QKI: variants seen among roughly 807,000 people sequenced by gnomAD.
QKI encodes QKI, KH domain containing RNA binding, also known as KH domain-containing RNA-binding protein QKI.
A neutral mutation model predicts 39.0 loss-of-function variants in QKI; 10 were observed. The ratio of observed to expected loss-of-function variants is 0.26; its 90% confidence interval spans 0.16 to 0.43. The LOEUF (loss-of-function observed/expected upper bound fraction) is 0.43, where lower values mean the gene tolerates loss of function less well. QKI is among the 20% of genes least tolerant of loss of function. The probability of loss-of-function intolerance (pLI) is 1.00; values close to 1 mark genes in which losing one functional copy is unlikely to be tolerated. For synonymous variants in QKI, 204 were observed against 155.4 expected (o/e 1.31, Z -2.33); for missense variants, 218 against 428.0 (o/e 0.51, Z 4.33).
intron 3 of QKI, among the ~76,000 whole-genome samples, chr6:163,525,657 G>A (rs959652768): frequency 2.0e-5 from 3 of 152,062 alleles, no homozygotes; most frequent in Admixed American, 6.6e-5. Flanking sequence ...GAGCCACCAC[G>A]CCCGGCCATC....
At chr6:163,489,863 T>C (rs1777942945) in intron 3 of QKI, among the ~76,000 whole-genome samples, 1 of 152,154 alleles carries the variant, frequency 6.6e-6, no homozygotes. Flanking sequence ...AATTTGATTC[T>C]CATGTGGAAT....
chr6:163,491,097 G>A (rs907082542), intron 3 of QKI, among the ~76,000 whole-genome samples: 2 of 152,058 alleles, frequency 1.3e-5, no homozygotes, highest in Non-Finnish European at 2.9e-5. Flanking sequence ...AGATTGGTTT[G>A]TTTTTAAAGA....
At chr6:163,564,855 A>G in intron 6 of QKI, 4 of 1,447,014 alleles carry the variant, frequency 2.8e-6, no homozygotes, top group Non-Finnish European at 3.6e-6. Context: ...TTGGTGCTGC[A>G]TGCATGCTGT....
At chr6:163,457,063 C>G (rs923379256) in intron 2 of QKI, among the ~76,000 whole-genome samples, 1 of 152,020 alleles carries the variant, frequency 6.6e-6, no homozygotes, top group Non-Finnish European at 1.5e-5. Context: ...GTGATTTGGG[C>G]AGCTGTTCCA....
chr6:163,563,325 C>T, intron 5 of QKI, 95 bp from the exon 6 acceptor site: 1 of 1,189,086 alleles, frequency 8.4e-7, no homozygotes, highest in Non-Finnish European at 1.2e-6. Context: ...TTCTTCTTTC[C>T]TGCTTTTCCT....
intron 1 of QKI, among the ~76,000 whole-genome samples, chr6:163,430,366 T>C (rs1788728369): frequency 6.6e-6 from 1 of 152,218 alleles, no homozygotes; most frequent in Non-Finnish European, 1.5e-5. Flanking sequence ...CTTTAGGTTT[T>C]TGGAGAAGAG....
intron 5 of QKI, 96 bp from the exon 6 acceptor site, chr6:163,563,324 C>A (rs1472283875): frequency 1.4e-5 from 17 of 1,177,100 alleles, no homozygotes; most frequent in Non-Finnish European, 1.8e-5. Flanking sequence ...TTTCTTCTTT[C>A]CTGCTTTTCC....
At chr6:163,457,043 A>G (rs1483286474) in intron 2 of QKI, among the ~76,000 whole-genome samples, 1 of 152,092 alleles carries the variant, frequency 6.6e-6, no homozygotes, top group African/African-American at 2.4e-5. Flanking sequence ...ATTCCTAGAG[A>G]TGGGAAATTG....
At chr6:163,544,572 G>A (rs1781751936) in intron 4 of QKI, among the ~76,000 whole-genome samples, 1 of 152,040 alleles carries the variant, frequency 6.6e-6, no homozygotes. Flanking sequence ...ATCAGTAATA[G>A]TAGTTCTTAC....
intron 1 of QKI, among the ~76,000 whole-genome samples, chr6:163,451,361 G>T (rs2757586): frequency 0.18 from 27,342 of 152,108 alleles, 2,777 homozygotes; most frequent in Middle Eastern, 0.25. Context: ...ACAGTATAGG[G>T]TTTTGCATAT....
At chr6:163,495,757 T>G (rs758001402) in intron 3 of QKI, among the ~76,000 whole-genome samples, 73 of 152,182 alleles carry the variant, frequency 4.8e-4, no homozygotes, top group Non-Finnish European at 6.8e-4. Flanking sequence ...GTGTGTGTCT[T>G]TCTTCATGAC....
At chr6:163,495,904 G>C (rs971540425) in intron 3 of QKI, among the ~76,000 whole-genome samples, 1 of 152,194 alleles carries the variant, frequency 6.6e-6, no homozygotes, top group African/African-American at 2.4e-5. Flanking sequence ...GGTTAAAGTA[G>C]TGTGAGTTAT....
chr6:163,466,950 G>A (rs1470168840), intron 2 of QKI, among the ~76,000 whole-genome samples: 1 of 151,428 alleles, frequency 6.6e-6, no homozygotes, highest in Non-Finnish European at 1.5e-5. Flanking sequence ...TACAGAATGG[G>A]AGGAAATATC....
At chr6:163,501,397 G>C (rs760524033) in intron 3 of QKI, among the ~76,000 whole-genome samples, 1 of 152,016 alleles carries the variant, frequency 6.6e-6, no homozygotes, top group African/African-American at 2.4e-5. Flanking sequence ...CTCACAATCT[G>C]ATGTTTGAAA....
chr6:163,497,246 A>G (rs1405010503), intron 3 of QKI, among the ~76,000 whole-genome samples: 1 of 152,044 alleles, frequency 6.6e-6, no homozygotes, highest in Non-Finnish European at 1.5e-5. Flanking sequence ...TTGTGCCATC[A>G]TTAGTTTTGT....
rs1389190363 is a variant in QKI at position 163,414,915 on chromosome 6, C to A, written c.-279C>A. 6.7e-6 allele frequency: 1 copy of A among 148,646 alleles called. No homozygotes were observed. The highest frequency in any genetic ancestry group is 2.5e-5 in the African/African-American group (1 of 40,776). The allele number at this position is 148,646 out of a possible 1,614,324, so 9.2% of individuals were successfully genotyped here. A position where few individuals can be genotyped will look rare whatever the true frequency, so the allele number is the denominator to read the frequency against. ...ACTCGGCCAGCCGAGACCCGCCTCCCGCCCGCCCGCCGGCCTCGTGAGGGA... is the reference window on the plus strand; with the variant it reads ...ACTCGGCCAGCCGAGACCCGCCTCCAGCCCGCCCGCCGGCCTCGTGAGGGA... On this transcript the variant is annotated 5_prime_UTR_variant, in exon 1 of 8. Coordinates refer to ENST00000361752, the MANE Select transcript of QKI (RefSeq NM_006775.3).
chr6:163,571,643 T>C lies in QKI; in HGVS notation c.*933T>C, dbSNP rs1321196837. On this transcript the variant is annotated 3_prime_UTR_variant, in exon 8 of 8. Coordinates refer to ENST00000361752, the MANE Select transcript of QKI (RefSeq NM_006775.3). ...CAAATGAACAAAAAGTAGATACTTT[T>C]ACTATACAAGGGTGCTGGTGCAGAA... 6.6e-6 allele frequency: 1 copy of C among 152,022 alleles called. No homozygotes were observed. The highest frequency in any genetic ancestry group is 1.5e-5 in the Non-Finnish European group (1 of 67,990). The allele number at this position is 152,022 out of a possible 1,614,324, so 9.4% of individuals were successfully genotyped here. A position where few individuals can be genotyped will look rare whatever the true frequency, so the allele number is the denominator to read the frequency against.
rs1474693177 is a variant in QKI at position 163,415,316 on chromosome 6, C to T, written c.123C>T (p.Leu41=). The change falls in exon 1 of 8, where the codon CTC becomes CTT. Residue 41 remains leucine (L), a synonymous_variant. Transcript: ENST00000361752. The part of the protein sequence containing the change: ...LPNFCGIFNH[L]ERLLDEEISR... ...ACTTCTGCGGGATCTTCAACCACCT[C>T]GAGCGGCTGCTGGACGAAGGTGAGC... The T allele has an allele frequency of 1.3e-6, 2 of 1,590,282 alleles. No homozygotes were observed. The highest frequency in any genetic ancestry group is 1.7e-6 in the Non-Finnish European group (2 of 1,164,992).
intron 1 of QKI, among the ~76,000 whole-genome samples, chr6:163,437,645 A>C (rs938071458): frequency 3.9e-5 from 6 of 152,170 alleles, no homozygotes; most frequent in African/African-American, 1.4e-4. Flanking sequence ...TAGTAATGTT[A>C]CTGTTTCACA....
Sources: allele counts gnomAD v4.1 joint callset (sites outside exome capture counted in the v4.1 genomes callset), GRCh38; gene constraint gnomAD v4.1.1; transcripts MANE v1.5; gene names NCBI Gene and HGNC (gene_info 2026-07-23, HGNC 2026-07-21).